SYT7: variants seen among roughly 807,000 people sequenced by gnomAD.
The protein encoded by SYT7 is synaptotagmin 7, also known as synaptotagmin-7.
A neutral mutation model predicts 75.1 loss-of-function variants in SYT7; 29 were observed. The ratio of observed to expected loss-of-function variants is 0.39; its 90% CI spans 0.29 to 0.53. SYT7 has a LOEUF of 0.53. Among genes scored for constraint, SYT7 ranks in the 20% least tolerant of loss-of-function variants. SYT7 has a pLI of 0.77. For synonymous variants in SYT7, 376 were observed against 401.7 expected (o/e 0.94, Z 0.76); for missense variants, 693 against 953.2 (o/e 0.73, Z 3.59).
intron 5 of SYT7, among the ~76,000 whole-genome samples, chr11:61,543,908 A>G (rs907286971): frequency 6.6e-6 from 1 of 152,140 alleles, no homozygotes; most frequent in Non-Finnish European, 1.5e-5. Context: ...AGGGGTTCCA[A>G]TCTTCTCCTC....
Position 61,517,848 on chromosome 11 carries a change from GGAGA to G in SYT7, c.*775_*778del. 1.5e-5 allele frequency: 4 copies of G among 274,992 alleles called. No homozygotes were observed. The highest frequency in any genetic ancestry group is 6.2e-5 in the East Asian group (1 of 16,170). 17.0% of individuals were successfully genotyped at this position (274,992 alleles called of 1,614,324 possible). A position where few individuals can be genotyped will look rare whatever the true frequency, so the allele number is the denominator to read the frequency against. ...GGGGGGCACCAAGGGGAGAAGGGGA[GGAGA>G]CGGGGGGATGGCAGGAGGCAGCCCA... On this transcript the variant is annotated 3_prime_UTR_variant, in exon 13 of 13. Coordinates refer to ENST00000539008, the MANE Select transcript of SYT7 (RefSeq NM_001365809.2).
chr11:61,552,188 G>T (rs1474803830), intron 2 of SYT7, among the ~76,000 whole-genome samples: 2 of 152,138 alleles, frequency 1.3e-5, no homozygotes, highest in African/African-American at 2.4e-5. Context: ...AAGGGCCGTG[G>T]CCACAGCGGC....
intron 8 of SYT7, among the ~76,000 whole-genome samples, chr11:61,530,217 C>T (rs891329182): frequency 2.0e-5 from 3 of 152,204 alleles, no homozygotes; most frequent in Non-Finnish European, 4.4e-5. Context: ...CTTCCACCTG[C>T]GCCTTGCTCT....
chr11:61,584,322 G>C (rs1201171890), upstream of SYT7, among the ~76,000 whole-genome samples: 1 of 150,542 alleles, frequency 6.6e-6, no homozygotes, highest in Admixed American at 6.6e-5. Context: ...TTGAACCCGG[G>C]AGGTGGAGGT....
At chr11:61,543,197 G>C (rs959845684) in intron 5 of SYT7, among the ~76,000 whole-genome samples, 1 of 152,170 alleles carries the variant, frequency 6.6e-6, no homozygotes, top group African/African-American at 2.4e-5. Context: ...AGAATTCAGG[G>C]TCTGGCGTGG....
intron 1 of SYT7, among the ~76,000 whole-genome samples, chr11:61,573,916 T>G (rs1360106126): frequency 1.3e-5 from 2 of 152,258 alleles, no homozygotes; most frequent in Non-Finnish European, 2.9e-5. Context: ...TACTTCTAAC[T>G]GCAAGTTCGC....
chr11:61,580,772 C>A lies in SYT7; in HGVS notation c.31+18G>T. The stretch of plus-strand genomic sequence containing the variant: ...CCCGCCGGTGCGGGGCGCCCCAGCC[C>A]GCCGGGGCCGCGCTTACCTGGGCTG... On this transcript the variant is annotated intron_variant, in intron 1 of 12. Transcript: ENST00000539008. The surrounding 1 kb of genome is among the most constrained non-coding windows in gnomAD (Gnocchi z 6.1). 8.0e-7 allele frequency: 1 copy of A among 1,256,544 alleles called. No individual in the cohort carries two copies. The highest frequency in any genetic ancestry group is 1.0e-6 in the Non-Finnish European group (1 of 1,001,112). 77.8% of individuals were successfully genotyped at this position (1,256,544 alleles called of 1,614,324 possible).
At chr11:61,545,882 G>C in intron 5 of SYT7, 149 bp downstream of exon 5, 4 of 677,518 alleles carry the variant, frequency 5.9e-6, no homozygotes, top group Non-Finnish European at 9.6e-6. Flanking sequence ...CAAGGATGAT[G>C]GGAGAGTCTC....
intron 4 of SYT7, 89 bp downstream of exon 4, chr11:61,547,088 G>T: frequency 7.0e-7 from 1 of 1,431,606 alleles, no homozygotes; most frequent in South Asian, 1.3e-5. Flanking sequence ...GGGAGTGAGC[G>T]GGTCCAGAGG....
chr11:61,559,402 G>C (rs1327016384), intron 1 of SYT7, among the ~76,000 whole-genome samples: 1 of 152,184 alleles, frequency 6.6e-6, no homozygotes, highest in Non-Finnish European at 1.5e-5. Context: ...TGAATTCAGG[G>C]AGACCAGCCT....
At chr11:61,537,233 G>A (rs1206260799) in intron 7 of SYT7, among the ~76,000 whole-genome samples, 4 of 152,006 alleles carry the variant, frequency 2.6e-5, no homozygotes, top group Non-Finnish European at 4.4e-5. Context: ...GAAACCACAG[G>A]TGTGGTCAAC....
In SYT7 at chr11:61,513,802, A is replaced by G. The variant is rs2062100879; in HGVS notation, c.*4825T>C. On this transcript the variant is annotated 3_prime_UTR_variant, in exon 13 of 13. Transcript: ENST00000539008. ...ACAGGGATCCCTGCCCAGGGGGCTC[A>G]CAATCTACACAAGACACGACACATA... 6.6e-6 allele frequency among the ~76,000 whole-genome samples: 1 copy of G among 151,768 alleles called. No homozygotes were observed. Among genetic ancestry groups the G allele is most frequent in the African/African-American group, 2.4e-5 (1 of 41,270 alleles).
At chr11:61,577,641 GC>G (rs1452535916) in intron 1 of SYT7, among the ~76,000 whole-genome samples, 5 of 152,208 alleles carry the variant, frequency 3.3e-5, no homozygotes, top group African/African-American at 1.2e-4. Context: ...GGCCCGCTGT[GC>G]CAAGGCCCCC....
rs978602838 is a variant in SYT7, at chr11:61,576,691, C to T, written c.31+4099G>A. ...TCAGATTCAATAAGGATTCAAAGTC[C>T]GTGAGAGAATAGGGGGTGGGTGGGG... On this transcript the variant is annotated intron_variant, in intron 1 of 12. Transcript: ENST00000539008. The surrounding 1 kb of genome is among the most constrained non-coding windows in gnomAD (Gnocchi z 4.1). Among the ~76,000 whole-genome samples, 4 of 113,418 alleles carry T rather than the reference C, an allele frequency of 3.5e-5. No homozygotes were observed. The highest frequency in any genetic ancestry group is 4.9e-5 in the Non-Finnish European group (3 of 60,850). 74.4% of individuals were successfully genotyped at this position (113,418 alleles called of 152,430 possible).
chr11:61,534,409 G>GCACACA (rs1565176193), intron 7 of SYT7, among the ~76,000 whole-genome samples: 3 of 150,998 alleles, frequency 2.0e-5, no homozygotes, highest in African/African-American at 7.3e-5. Flanking sequence ...ATGTACACAC[G>GCACACA]CACGCACACA....
In SYT7 at chr11:61,518,337, C is replaced by T. The variant is rs907011230; in HGVS notation, c.*290G>A. ...CTCTGGAGGGGTCTGCCTGTCTGGC[C>T]GTCTGGCTCTCGAGCTCCCCCAACT... On this transcript the variant is annotated 3_prime_UTR_variant, in exon 13 of 13. Coordinates refer to ENST00000539008, the MANE Select transcript of SYT7 (RefSeq NM_001365809.2). 5.2e-5 allele frequency: 16 copies of T among 305,576 alleles called. No homozygotes were observed. The highest frequency in any genetic ancestry group is 7.8e-5 in the Non-Finnish European group (13 of 166,208). The allele number at this position is 305,576 out of a possible 1,614,324, so 18.9% of individuals were successfully genotyped here.
chr11:61,558,239 T>C (rs115258526), intron 1 of SYT7, among the ~76,000 whole-genome samples: 5,359 of 152,208 alleles, frequency 0.035, 325 homozygotes, highest in African/African-American at 0.12. Context: ...GGCAGATCAC[T>C]TAAGGTCAGG....
rs113495205 is a variant in SYT7 at position 61,558,505 on chromosome 11, T to C, written c.32-2298A>G. 5.9e-3 allele frequency among the ~76,000 whole-genome samples: 798 copies of C among 134,522 alleles called. 5 individuals carry two copies. Among genetic ancestry groups the C allele is most frequent in the South Asian group, 0.041 (170 of 4,124 alleles). 88.3% of individuals were successfully genotyped at this position (134,522 alleles called of 152,430 possible). A position where few individuals can be genotyped will look rare whatever the true frequency, so the allele number is the denominator to read the frequency against. On this transcript the variant is annotated intron_variant, in intron 1 of 12. Transcript: ENST00000539008. ...ATATATACACACACACACACACACA[T>C]ACACACACACACACACACACACACA... is the stretch of plus-strand genomic sequence containing the variant.
chr11:61,562,017 CATGCACACACACATGCATGCACACACAT>C (rs1369816762), intron 1 of SYT7, among the ~76,000 whole-genome samples: 2 of 151,528 alleles, frequency 1.3e-5, no homozygotes, highest in Non-Finnish European at 2.9e-5. Context: ...TGTGTGCGCG[CATGCACACACACATGCATGCACACACAT>C]ATGCACACAC....
Sources: allele counts gnomAD v4.1 joint callset (sites outside exome capture counted in the v4.1 genomes callset), GRCh38; gene constraint gnomAD v4.1.1; non-coding constraint Gnocchi (gnomAD v3.1); transcripts MANE v1.5; gene names NCBI Gene and HGNC (gene_info 2026-07-23, HGNC 2026-07-21).